Variants in CLK4 observed in about 807,000 individuals in gnomAD.
The protein encoded by CLK4 is dual specificity protein kinase CLK4.
In CLK4, 37 loss-of-function variants were observed where a neutral mutation model predicts 64.4. That is an observed-to-expected ratio of 0.57 (90% CI 0.44 to 0.76). The LOEUF (loss-of-function observed/expected upper bound fraction) is 0.76, where lower values mean the gene tolerates loss of function less well. CLK4 is among the 30% of genes least tolerant of loss of function. The pLI is 0.00. For synonymous variants in CLK4, 175 were observed against 191.6 expected (o/e 0.91, Z 0.72); for missense variants, 457 against 605.1 (o/e 0.76, Z 2.57).
At chr5:178,611,750 C>T (rs1349174675) in intron 9 of CLK4, among the ~76,000 whole-genome samples, 1 of 152,238 alleles carries the variant, frequency 6.6e-6, no homozygotes, top group African/African-American at 2.4e-5. Flanking sequence ...TTGGACCTAA[C>T]TTTAGGCTAA....
intron 9 of CLK4, among the ~76,000 whole-genome samples, chr5:178,608,815 T>C (rs1339036911): frequency 3.9e-5 from 6 of 152,246 alleles, no homozygotes; most frequent in South Asian, 2.1e-4. Flanking sequence ...AGTTCATGGT[T>C]AGTCCAAGAA....
Position 178,612,814 on chromosome 5 carries a change from G to C in CLK4, c.903C>G (p.Val301=), listed in dbSNP as rs1764575756. ...NILFVKSDYV[V]KYNSKMKRDE... ...AACTTACCATTTTAGAATTATATTT[G>C]ACTACATAGTCAGACTTCACAAACA... The change falls in exon 8 of 13, where the codon GTC becomes GTG. Residue 301 remains valine, a synonymous_variant. Transcript: ENST00000316308. 1 of 1,550,728 alleles carries C rather than the reference G, an allele frequency of 6.4e-7. No individual in the cohort carries two copies. Among genetic ancestry groups the C allele is most frequent in the Admixed American group, 1.7e-5 (1 of 57,586 alleles).
Position 178,613,661 on chromosome 5 carries a change from A to T in CLK4, c.660-22T>A, listed in dbSNP as rs905935092. 4 of 1,606,874 alleles carry T rather than the reference A, an allele frequency of 2.5e-6. No individual in the cohort carries two copies. In the East Asian group the frequency reaches 8.9e-5, roughly 36 times the overall value. On this transcript the variant is annotated intron_variant, in intron 6 of 12. Coordinates refer to ENST00000316308, the MANE Select transcript of CLK4 (RefSeq NM_020666.3). ...TCGGCTAAAACAGAGCAAAATAATA[A>T]TTCAGTTTATGGAAACCTGAATATT...
rs919187980 is a variant in CLK4, at chr5:178,603,520, T to C, written c.*97A>G. On this transcript the variant is annotated 3_prime_UTR_variant, in exon 13 of 13. Coordinates refer to ENST00000316308, the MANE Select transcript of CLK4 (RefSeq NM_020666.3). ...ATTTACACTTAACTGTACAAAATAA[T>C]TTAATGTTTACAAAAATATTAGAAT... 5.8e-6 allele frequency: 5 copies of C among 856,026 alleles called. No individual in the cohort carries two copies. In the African/African-American group the frequency reaches 8.7e-5, roughly 15 times the overall value. The allele number at this position is 856,026 out of a possible 1,614,324, so 53.0% of individuals were successfully genotyped here.
At chr5:178,624,193 T>C (rs868070155) in intron 1 of CLK4, among the ~76,000 whole-genome samples, 3 of 152,176 alleles carry the variant, frequency 2.0e-5, no homozygotes, top group Non-Finnish European at 4.4e-5. Flanking sequence ...TATAAAAAGG[T>C]GATTTTAGGC....
rs995929851 is a variant in CLK4, at chr5:178,617,304, T to C, written c.475+40A>G. 2.0e-6 allele frequency: 3 copies of C among 1,492,206 alleles called. No individual in the cohort carries two copies. The African/African-American group carries it at 4.1e-5, about 21-fold the overall frequency. The allele number at this position is 1,492,206 out of a possible 1,614,324, so 92.4% of individuals were successfully genotyped here. ...CAAACTATTCTTAAAAAGATTATTC[T>C]TTCTGCAAAGTTTAAAAAGTGTTGA... On this transcript the variant is annotated intron_variant, in intron 4 of 12. Coordinates refer to ENST00000316308, the MANE Select transcript of CLK4 (RefSeq NM_020666.3). This position sits in a 1 kb window ranked among gnomAD's most constrained non-coding sequence, Gnocchi z 5.2.
At chr5:178,608,355 T>C in intron 10 of CLK4, 21 bp downstream of exon 10, 4 of 1,509,344 alleles carry the variant, frequency 2.7e-6, no homozygotes, top group Non-Finnish European at 2.7e-6. Flanking sequence ...AATTATTAAA[T>C]GGAATTTACT....
chr5:178,625,786 A>G (rs1187769826), intron 1 of CLK4, among the ~76,000 whole-genome samples: 3 of 152,196 alleles, frequency 2.0e-5, no homozygotes, highest in African/African-American at 7.2e-5. Flanking sequence ...TCTCAAGTTC[A>G]CTACTTCAAA....
chr5:178,618,477 A>AT (rs1764659047), intron 3 of CLK4, 79 bp downstream of exon 3: 4 of 557,718 alleles, frequency 7.2e-6, no homozygotes, highest in South Asian at 9.1e-5. Context: ...TATATATATA[A>AT]AAAATTAGAA....
At chr5:178,625,396 G>C (rs1255086705) in intron 1 of CLK4, among the ~76,000 whole-genome samples, 1 of 139,234 alleles carries the variant, frequency 7.2e-6, no homozygotes, top group Non-Finnish European at 1.5e-5. Context: ...TTGCATACCA[G>C]TATGGGCGAC....
At chr5:178,614,972 G>C (rs1185937306) in intron 5 of CLK4, among the ~76,000 whole-genome samples, 1 of 152,180 alleles carries the variant, frequency 6.6e-6, no homozygotes, top group African/African-American at 2.4e-5. Context: ...TAGACAGTCA[G>C]ATATTTATCT....
At chr5:178,620,126 C>G in intron 2 of CLK4, 1 of 289,464 alleles carries the variant, frequency 3.5e-6, no homozygotes, top group Non-Finnish European at 7.1e-6. Flanking sequence ...GATACAGAAA[C>G]CCGGTTCTCT....
At chr5:178,618,853 A>C in intron 2 of CLK4, 75 bp from the exon 3 acceptor site, 2 of 1,218,344 alleles carry the variant, frequency 1.6e-6, no homozygotes, top group Non-Finnish European at 2.3e-6. Flanking sequence ...ACATTTTCTC[A>C]GAAATTCTTA....
At chr5:178,624,175 T>C (rs1349585809) in intron 1 of CLK4, among the ~76,000 whole-genome samples, 3 of 152,162 alleles carry the variant, frequency 2.0e-5, no homozygotes, top group Non-Finnish European at 4.4e-5. Context: ...ACAGAGAAAC[T>C]GAAGAGATAT....
rs193150579 is a variant in CLK4 at position 178,614,989 on chromosome 5, A to G, written c.543-1146T>C. Among the ~76,000 whole-genome samples, 293 of 152,324 alleles carry G rather than the reference A, an allele frequency of 1.9e-3. 4 individuals are homozygous for G. The highest frequency in any genetic ancestry group is 6.4e-3 in the African/African-American group (268 of 41,574). ...GACAGTCAGATATTTATCTATGGCT[A>G]TATGTACTCATTTTTTTAGAGGCCT... On this transcript the variant is annotated intron_variant, in intron 5 of 12. Transcript: ENST00000316308.
At chr5:178,624,842 ATTC>A (rs1350470491) in intron 1 of CLK4, among the ~76,000 whole-genome samples, 1 of 152,200 alleles carries the variant, frequency 6.6e-6, no homozygotes, top group African/African-American at 2.4e-5. Context: ...GGCAGCTTCA[ATTC>A]TTCTGGGAGG....
intron 9 of CLK4, among the ~76,000 whole-genome samples, chr5:178,608,887 G>A (rs1764504052): frequency 6.6e-6 from 1 of 152,152 alleles, no homozygotes; most frequent in South Asian, 2.1e-4. Flanking sequence ...AATTACTAAT[G>A]CCTTATCAAT....
In CLK4 at chr5:178,618,546, C is replaced by T. The variant is rs771476085; in HGVS notation, c.384+10G>A. The T allele has an allele frequency of 1.3e-6, 2 of 1,596,988 alleles. No homozygotes were observed. The highest frequency in any genetic ancestry group is 2.2e-5 in the East Asian group (1 of 44,638). ...AACTCCACTCAAATTGAAAACAAAACCAATCATACCGAACGTGACTGATGA... is the reference window on the plus strand; with the variant it reads ...AACTCCACTCAAATTGAAAACAAAATCAATCATACCGAACGTGACTGATGA... On this transcript the variant is annotated intron_variant, in intron 3 of 12. Coordinates refer to ENST00000316308, the MANE Select transcript of CLK4 (RefSeq NM_020666.3).
In CLK4 at chr5:178,619,826, C is replaced by T. The variant is rs1253003423; in HGVS notation, c.162-1048G>A. On this transcript the variant is annotated intron_variant, in intron 2 of 12. Transcript: ENST00000316308. ...AGATTCAATTGGCCCAGTTTCCCGT[C>T]CCCCTCTCTACCTGGGATGAGTGTC... 7 of 1,287,566 alleles carry T rather than the reference C, an allele frequency of 5.4e-6. No individual in the cohort carries two copies. In the East Asian group the frequency reaches 3.3e-4, roughly 61 times the overall value. The allele number at this position is 1,287,566 out of a possible 1,614,324, so 79.8% of individuals were successfully genotyped here.
Sources: allele counts gnomAD v4.1 joint callset (sites outside exome capture counted in the v4.1 genomes callset), GRCh38; gene constraint gnomAD v4.1.1; non-coding constraint Gnocchi (gnomAD v3.1); transcripts MANE v1.5; gene names NCBI Gene and HGNC (gene_info 2026-07-23, HGNC 2026-07-21).